The following DOCK9 variants were observed in gnomAD, a reference collection of about 807,000 sequenced individuals.
The protein encoded by DOCK9 is dedicator of cytokinesis protein 9.
A neutral mutation model predicts 263.3 loss-of-function variants in DOCK9; 89 were observed. That is an observed-to-expected ratio of 0.34 (90% confidence interval 0.28 to 0.40). DOCK9 has a LOEUF of 0.40. Ranked by LOEUF, DOCK9 falls within the 10% of genes least tolerant of loss-of-function variation. DOCK9 has a pLI of 1.00. For synonymous variants in DOCK9, 976 were observed against 973.1 expected, an observed-to-expected ratio of 1.00 and a Z score of -0.06; for missense variants, 2,140 against 2,603.4, an observed-to-expected ratio of 0.82 and a Z score of 3.87.
At position 98,897,524 on chromosome 13, in the gene DOCK9, T is replaced by C; in HGVS notation, c.1673A>G (p.Asn558Ser). ...TGCAAGTAACTTGAGCATGTCATCA[T>C]TGGATAGCTTATTGCTGTCTTGCCT... ...IYRQDSNKLS[N>S]DDMLKLLADF... The change falls in exon 15 of 53, where the codon AAT (asparagine) becomes AGT (serine). Residue 558 changes from asparagine to serine, a missense_variant. By Grantham distance (46) the Asn-to-Ser change is conservative. Coordinates refer to ENST00000682017, the MANE Select transcript of DOCK9 (RefSeq NM_001366683.2). The C allele has an allele frequency of 2.5e-6, 4 of 1,613,960 alleles. No individual in the cohort carries two copies. The highest frequency in any genetic ancestry group is 1.7e-5 in the Admixed American group (1 of 60,032).
intron 1 of DOCK9, among the ~76,000 whole-genome samples, chr13:99,073,851 C>T (rs911750288): frequency 6.6e-6 from 1 of 152,260 alleles, no homozygotes; most frequent in Admixed American, 6.5e-5. Context: ...TGTATGCTGC[C>T]TCTTGGTTGA....
At chr13:99,075,823 G>A (rs1421407099) in intron 1 of DOCK9, among the ~76,000 whole-genome samples, 3 of 151,910 alleles carry the variant, frequency 2.0e-5, no homozygotes, top group Non-Finnish European at 4.4e-5. Flanking sequence ...TCTATTTTAA[G>A]AGTTTTAAAA....
intron 50 of DOCK9, among the ~76,000 whole-genome samples, chr13:98,799,828 A>G (rs2089899584): frequency 6.6e-6 from 1 of 152,180 alleles, no homozygotes; most frequent in East Asian, 1.9e-4. Context: ...AATAAAGAAA[A>G]ATTGATTGAT....
intron 1 of DOCK9, among the ~76,000 whole-genome samples, chr13:99,020,550 T>C (rs920605871): frequency 1.3e-5 from 2 of 152,228 alleles, no homozygotes; most frequent in Admixed American, 1.3e-4. Context: ...TTTGAGCTCC[T>C]GCAAAGCTTA....
intron 1 of DOCK9, among the ~76,000 whole-genome samples, chr13:98,973,317 C>G (rs1665361677): frequency 6.6e-6 from 1 of 152,136 alleles, no homozygotes; most frequent in Non-Finnish European, 1.5e-5. Context: ...TCTGCTATTT[C>G]TAGAGCAAAC....
chr13:98,859,842 T>A (rs892658061), intron 33 of DOCK9: 5 of 151,918 alleles, frequency 3.3e-5, no homozygotes, highest in African/African-American at 1.2e-4. Flanking sequence ...AAGTACATTA[T>A]GTCCGGCATT....
chr13:98,795,520 C>A lies in DOCK9; in HGVS notation c.6157-772G>T, dbSNP rs535706863. On this transcript the variant is annotated intron_variant, in intron 52 of 52. Transcript: ENST00000682017. ...GGGAAGTTCAAGGTGCAGCTGACAGCAAGTGCATTAAATATCCCTGTACTT... is the reference window on the plus strand; with the variant it reads ...GGGAAGTTCAAGGTGCAGCTGACAGAAAGTGCATTAAATATCCCTGTACTT... Among the ~76,000 whole-genome samples, 4 of 152,338 alleles carry A rather than the reference C, an allele frequency of 2.6e-5. No homozygotes were observed. The South Asian group carries it at 8.3e-4, about 32-fold the overall frequency.
At chr13:99,008,319 G>A (rs998848977) in intron 1 of DOCK9, among the ~76,000 whole-genome samples, 4 of 147,502 alleles carry the variant, frequency 2.7e-5, no homozygotes, top group African/African-American at 7.6e-5. Context: ...TGCAACCTCC[G>A]CCTCCCGGGG....
intron 1 of DOCK9, among the ~76,000 whole-genome samples, chr13:98,993,956 T>C (rs1319552225): frequency 6.6e-6 from 1 of 152,194 alleles, no homozygotes; most frequent in Non-Finnish European, 1.5e-5. Flanking sequence ...TAAACCTTAG[T>C]ATCATCAAGT....
intron 1 of DOCK9, among the ~76,000 whole-genome samples, chr13:98,993,698 G>A (rs552048710): frequency 2.6e-5 from 4 of 152,148 alleles, no homozygotes; most frequent in African/African-American, 7.2e-5. Flanking sequence ...CTGAGATTGC[G>A]TCACTGCACT....
intron 38 of DOCK9, among the ~76,000 whole-genome samples, chr13:98,841,504 T>C (rs1219841404): frequency 6.6e-6 from 1 of 152,158 alleles, no homozygotes; most frequent in Non-Finnish European, 1.5e-5. Context: ...TCCAGTGTAA[T>C]GTGTAAGATA....
intron 1 of DOCK9, chr13:99,015,834 A>C (rs1885322416): frequency 8.3e-7 from 1 of 1,199,016 alleles, no homozygotes; most frequent in African/African-American, 1.6e-5. Flanking sequence ...TGGTGCAAAC[A>C]CAAGATGACA....
At chr13:98,949,422 A>G (rs1482789326) in intron 2 of DOCK9, among the ~76,000 whole-genome samples, 1 of 152,158 alleles carries the variant, frequency 6.6e-6, no homozygotes, top group Non-Finnish European at 1.5e-5. Flanking sequence ...ATTCACAATA[A>G]TAAACCATAA....
At chr13:98,844,372 T>A (rs10459308) in intron 38 of DOCK9, among the ~76,000 whole-genome samples, 35,957 of 102,752 alleles carry the variant, frequency 0.35, 4,601 homozygotes, top group East Asian at 0.56. Flanking sequence ...ATTTTTTTTA[T>A]TTTTTTTTTG....
intron 38 of DOCK9, among the ~76,000 whole-genome samples, chr13:98,839,606 C>T (rs2093134944): frequency 1.3e-5 from 2 of 152,204 alleles, no homozygotes; most frequent in Admixed American, 6.5e-5. Flanking sequence ...TAATTCCTTT[C>T]TCTGCAAAGA....
chr13:98,806,564 C>T (rs2090730215), intron 48 of DOCK9, among the ~76,000 whole-genome samples: 1 of 152,032 alleles, frequency 6.6e-6, no homozygotes, highest in South Asian at 2.1e-4. Context: ...AATGAAAAAA[C>T]AGATGGAAAA....
chr13:99,087,091 G>A (rs546766991), upstream of DOCK9, among the ~76,000 whole-genome samples: 22 of 151,772 alleles, frequency 1.4e-4, no homozygotes, highest in South Asian at 4.6e-3. Context: ...GAGGTCTCAG[G>A]AAAGTAGCCT....
Position 98,880,631 on chromosome 13 carries a change from C to G in DOCK9, c.2787G>C (p.Lys929Asn), listed in dbSNP as rs752441289. The G allele has an allele frequency of 1.9e-6, 3 of 1,613,876 alleles. No individual in the cohort carries two copies. The highest frequency in any genetic ancestry group is 2.5e-6 in the Non-Finnish European group (3 of 1,179,860). The change falls in exon 26 of 53, where the codon AAG (lysine) becomes AAC (asparagine). Residue 929 changes from lysine to asparagine, a missense_variant. Physicochemically the swap from Lys to Asn is moderately conservative, Grantham distance 94. Coordinates refer to ENST00000682017, the MANE Select transcript of DOCK9 (RefSeq NM_001366683.2). ...ATTTGGTCAGTTCTTCATGCACTGT[C>G]TTGTATTCAGAGGCAACATATGGCT... The part of the protein sequence containing the change: ...KAEPYVASEY[K>N]TVHEELTKSM...
chr13:98,949,194 T>A (rs1389659073), intron 2 of DOCK9, among the ~76,000 whole-genome samples: 3 of 152,144 alleles, frequency 2.0e-5, no homozygotes, highest in African/African-American at 7.2e-5. Flanking sequence ...CACCTCAGCC[T>A]CCCAAGTCGC....
Sources: allele counts gnomAD v4.1 joint callset (sites outside exome capture counted in the v4.1 genomes callset), GRCh38; gene constraint gnomAD v4.1.1; transcripts MANE v1.5; gene names NCBI Gene and HGNC (gene_info 2026-07-23, HGNC 2026-07-21).